Variants in NOP9 observed in about 807,000 individuals in gnomAD.
The protein encoded by NOP9 is nucleolar protein 9.
In NOP9, 50 loss-of-function variants were observed where a neutral mutation model predicts 63.0. The observed-to-expected ratio is 0.79, with a 90% CI of 0.63 to 1.00. NOP9 has a LOEUF of 1.00. Ranked by LOEUF, NOP9 falls within the 50% of genes least tolerant of loss-of-function variation. The probability of loss-of-function intolerance (pLI) is 0.00; values close to 1 mark genes in which losing one functional copy is unlikely to be tolerated. For missense variants in NOP9, 758 were observed against 803.0 expected (o/e 0.94, Z 0.68); for synonymous variants, 343 against 332.8 (o/e 1.03, Z -0.33).
At chr14:24,283,325 C>T in the NOP9 span, among the ~76,000 whole-genome samples, 1 of 151,984 alleles carries the variant, frequency 6.6e-6, no homozygotes, top group African/African-American at 2.4e-5. Context: ...CATGGTGGCT[C>T]ACGCTGTAAT....
chr14:24,276,581 G>A, the NOP9 span, among the ~76,000 whole-genome samples: 101 of 152,224 alleles, frequency 6.6e-4, no homozygotes, highest in Non-Finnish European at 1.2e-3. Flanking sequence ...ATGAGCCACC[G>A]CACCTGGCCT....
chr14:24,275,596 A>C, the NOP9 span, among the ~76,000 whole-genome samples: 1 of 152,110 alleles, frequency 6.6e-6, no homozygotes, highest in Non-Finnish European at 1.5e-5. Context: ...GTCACTTACA[A>C]TGGCTCCAGG....
chr14:24,296,652 G>A (rs2139100478), upstream of NOP9: 10 of 1,613,536 alleles, frequency 6.2e-6, no homozygotes, highest in Non-Finnish European at 8.5e-6. Flanking sequence ...GCTGGGTAAT[G>A]GAAGGGACAA....
the NOP9 span, among the ~76,000 whole-genome samples, chr14:24,286,288 T>C: frequency 6.6e-6 from 1 of 152,218 alleles, no homozygotes; most frequent in Non-Finnish European, 1.5e-5. Flanking sequence ...TGACTCTGCC[T>C]CCTACAATGT....
chr14:24,286,377 T>C, the NOP9 span, among the ~76,000 whole-genome samples: 2 of 152,216 alleles, frequency 1.3e-5, no homozygotes, highest in Non-Finnish European at 2.9e-5. Context: ...TCCTCTGGTG[T>C]CTGCCTCTCT....
At chr14:24,296,433 G>T (rs2041248377), upstream of NOP9, 1 of 1,363,322 alleles carries the variant, frequency 7.3e-7, no homozygotes, top group Non-Finnish European at 1.0e-6. Context: ...AAAGGAGAGG[G>T]CATGTAAGGA....
At position 24,305,003 on chromosome 14, in the gene NOP9, A is replaced by T; in HGVS notation, c.1819A>T (p.Thr607Ser). The T allele has an allele frequency of 6.2e-7, 1 of 1,605,388 alleles. No individual in the cohort carries two copies. Among genetic ancestry groups the T allele is most frequent in the Non-Finnish European group, 8.5e-7 (1 of 1,176,446 alleles). The change falls in exon 10 of 10, where the codon ACT becomes TCT. Residue 607 changes from threonine (T) to serine (S), a missense_variant. Transcript: ENST00000267425. The stretch of plus-strand genomic sequence containing the variant: ...CCATGTGGCTCGAAATGTGGCCTTG[A>T]CTACCTTCCTAAAGCGGCGAGAGGC... ...GHHVARNVAL[T>S]TFLKRREAWE... is the part of the protein sequence containing the mutation.
At chr14:24,278,467 C>G in the NOP9 span, among the ~76,000 whole-genome samples, 47 of 152,304 alleles carry the variant, frequency 3.1e-4, 1 homozygote, top group South Asian at 9.3e-3. Context: ...AGATGCCACT[C>G]TCATAATCGA....
upstream of NOP9, chr14:24,296,824 C>G: frequency 6.2e-7 from 1 of 1,614,250 alleles, no homozygotes; most frequent in Non-Finnish European, 8.5e-7. Flanking sequence ...CTTCGCACTT[C>G]ACTCTCCTGG....
chr14:24,296,211 A>G (rs1234708592), upstream of NOP9, among the ~76,000 whole-genome samples: 1 of 152,214 alleles, frequency 6.6e-6, no homozygotes, highest in African/African-American at 2.4e-5. Flanking sequence ...GGCTGTGCGC[A>G]TTACTGAGAG....
chr14:24,283,936 C>T, the NOP9 span, among the ~76,000 whole-genome samples: 1 of 152,256 alleles, frequency 6.6e-6, no homozygotes, highest in East Asian at 1.9e-4. Flanking sequence ...AACATGGGGC[C>T]CATCAGCCTA....
chr14:24,303,640 G>A (rs968235970), intron 6 of NOP9, 92 bp from the exon 7 acceptor site: 3 of 1,332,498 alleles, frequency 2.3e-6, no homozygotes, highest in East Asian at 2.3e-5. Context: ...TGTGGAGTTG[G>A]GCCTTCTTTC....
rs772882033 is a variant in NOP9 at position 24,300,809 on chromosome 14, A to T, written c.649A>T (p.Thr217Ser). The T allele has an allele frequency of 2.5e-6, 4 of 1,614,070 alleles. No homozygotes were observed. The Admixed American group carries it at 5.0e-5, about 20-fold the overall frequency. Residue 217 changes from threonine to serine, a missense_variant, in exon 2 of 10, where the codon ACT becomes TCT. By Grantham distance (58) the Thr-to-Ser change is moderately conservative (BLOSUM62 1). Transcript: ENST00000267425. ...AACTCTGCTTCAGGTGTTAGGAGGG[A>T]CTATTCTGGAGTCTGAGAGAGCCAG... ...VRTLLQVLGG[T>S]ILESERARPR...
the NOP9 span, among the ~76,000 whole-genome samples, chr14:24,276,977 GA>G: frequency 1.4e-3 from 215 of 152,272 alleles, 2 homozygotes; most frequent in South Asian, 0.014. Context: ...AAGGAGGTTA[GA>G]AAACCCCCTC....
At chr14:24,292,087 A>G in the NOP9 span, 2 of 1,477,344 alleles carry the variant, frequency 1.4e-6, no homozygotes, top group Non-Finnish European at 1.9e-6. Context: ...CACCTGCCAC[A>G]GTAAGCACCT....
intron 2 of NOP9, among the ~76,000 whole-genome samples, chr14:24,301,178 A>G (rs531781653): frequency 6.6e-6 from 1 of 152,290 alleles, no homozygotes; most frequent in South Asian, 2.1e-4. Context: ...TCAGGAAACT[A>G]TACCCTTACT....
At chr14:24,277,453 G>A in the NOP9 span, among the ~76,000 whole-genome samples, 1 of 152,162 alleles carries the variant, frequency 6.6e-6, no homozygotes, top group Non-Finnish European at 1.5e-5. Flanking sequence ...AGCTTTGATA[G>A]AGCGTGGTGA....
At chr14:24,299,707 G>A (rs771681539), upstream of NOP9, 22 of 470,172 alleles carry the variant, frequency 4.7e-5, no homozygotes, top group Non-Finnish European at 6.0e-5. Context: ...AGGACCCGGG[G>A]CGATTCTGTG....
chr14:24,277,977 C>T, the NOP9 span, among the ~76,000 whole-genome samples: 4 of 152,174 alleles, frequency 2.6e-5, no homozygotes, highest in Non-Finnish European at 4.4e-5. Context: ...GCGCTGGGTG[C>T]CTGCCACGTG....
Sources: allele counts gnomAD v4.1 joint callset (sites outside exome capture counted in the v4.1 genomes callset), GRCh38; gene constraint gnomAD v4.1.1; transcripts MANE v1.5; gene names NCBI Gene and HGNC (gene_info 2026-07-23, HGNC 2026-07-21).